The following LMNB1 variants were observed in gnomAD, a reference collection of about 807,000 sequenced individuals.
The protein encoded by LMNB1 is lamin B1, also known as lamin-B1.
In LMNB1, 23 loss-of-function variants were observed where a neutral mutation model predicts 67.1. The ratio of observed to expected loss-of-function variants is 0.34; its 90% confidence interval spans 0.25 to 0.49. The LOEUF is 0.49. Among genes scored for constraint, LMNB1 ranks in the 20% least tolerant of loss-of-function variants. The pLI, the probability that LMNB1 is intolerant of heterozygous loss-of-function variation, is 0.99. For synonymous variants in LMNB1, 281 were observed against 282.9 expected (o/e 0.99, Z 0.07); for missense variants, 634 against 746.5 (o/e 0.85, Z 1.76).
chr5:126,813,180 A>G (rs1751621144), intron 5 of LMNB1, among the ~76,000 whole-genome samples: 2 of 152,268 alleles, frequency 1.3e-5, no homozygotes, highest in Non-Finnish European at 2.9e-5. Flanking sequence ...GATATAAAAT[A>G]ATTTAGTTAA....
chr5:126,826,495 C>G (rs6879607), intron 9 of LMNB1, among the ~76,000 whole-genome samples: 101 of 152,208 alleles, frequency 6.6e-4, no homozygotes, highest in African/African-American at 2.3e-3. Context: ...TGGCATAGTA[C>G]CTTTATCTAG....
At position 126,787,548 on chromosome 5, in the gene LMNB1, T is replaced by TATATA. The variant is rs1348320183; in HGVS notation, c.359+9681_359+9682insATATA. On this transcript the variant is annotated intron_variant, in intron 1 of 10. Transcript: ENST00000261366. Reference sequence around the variant, plus strand: ...GGTATATATATATATATATATATATTTTTTTTTTTTTTTTTTGAGATAGAG... The same window carrying TATATA: ...GGTATATATATATATATATATATATTATATATTTTTTTTTTTTTTTTGAGATAGAG... 7.2e-4 allele frequency among the ~76,000 whole-genome samples: 46 copies of TATATA among 63,526 alleles called. 1 individual carries two copies. The highest frequency in any genetic ancestry group is 2.4e-3 in the African/African-American group (36 of 15,090). The allele number at this position is 63,526 out of a possible 152,430, so 41.7% of individuals were successfully genotyped here. A position where few individuals can be genotyped will look rare whatever the true frequency, so the allele number is the denominator to read the frequency against.
chr5:126,788,338 T>C (rs898124577), intron 1 of LMNB1, among the ~76,000 whole-genome samples: 6 of 151,986 alleles, frequency 3.9e-5, no homozygotes, highest in African/African-American at 2.4e-5. Flanking sequence ...ATGGGGATGA[T>C]AAGTAATAGA....
At chr5:126,789,827 A>G (rs1750905335) in intron 1 of LMNB1, among the ~76,000 whole-genome samples, 1 of 151,848 alleles carries the variant, frequency 6.6e-6, no homozygotes, top group African/African-American at 2.4e-5. Context: ...GCACCTACCA[A>G]CGAGCCCGAC....
intron 5 of LMNB1, among the ~76,000 whole-genome samples, chr5:126,812,651 G>C (rs1052407933): frequency 6.6e-6 from 1 of 150,488 alleles, no homozygotes. Flanking sequence ...AATAACTTCC[G>C]CTTCTATTTT....
At chr5:126,797,370 CAT>C (rs1291708760) in intron 1 of LMNB1, among the ~76,000 whole-genome samples, 2 of 152,162 alleles carry the variant, frequency 1.3e-5, no homozygotes, top group African/African-American at 4.8e-5. Context: ...TTGAATTTAA[CAT>C]AGGAAGATCT....
At chr5:126,831,995 G>C (rs1752146250) in intron 9 of LMNB1, among the ~76,000 whole-genome samples, 1 of 152,192 alleles carries the variant, frequency 6.6e-6, no homozygotes. Flanking sequence ...GCCAAGTGTG[G>C]AGGCTCATGC....
intron 9 of LMNB1, 100 bp downstream of exon 9, chr5:126,826,207 C>A (rs1392191030): frequency 7.5e-7 from 1 of 1,326,298 alleles, no homozygotes; most frequent in Non-Finnish European, 1.0e-6. Context: ...TAACCGATTG[C>A]ATAAACAGAC....
chr5:126,786,157 C>T (rs935551503), intron 1 of LMNB1, among the ~76,000 whole-genome samples: 1 of 141,980 alleles, frequency 7.0e-6, no homozygotes, highest in African/African-American at 2.6e-5. Context: ...CTCTGTCGCC[C>T]AGGCTGGAGT....
At chr5:126,781,096 C>T (rs1445157925) in intron 1 of LMNB1, among the ~76,000 whole-genome samples, 1 of 152,098 alleles carries the variant, frequency 6.6e-6, no homozygotes, top group Non-Finnish European at 1.5e-5. Context: ...CAAGACTAGC[C>T]TGTCCAACAT....
rs73333460 is a variant in LMNB1 at position 126,797,947 on chromosome 5, G to A, written c.360-6829G>A. 7.0e-3 allele frequency among the ~76,000 whole-genome samples: 1,068 copies of A among 152,218 alleles called. 11 individuals carry two copies. Among genetic ancestry groups the A allele is most frequent in the African/African-American group, 0.024 (1,012 of 41,542 alleles). Reference sequence around the variant, plus strand: ...AGCAAAATACAGAAATTAGCCGGGCGTAGTGGCACATGTGTATACTCCCAG... The same window carrying A: ...AGCAAAATACAGAAATTAGCCGGGCATAGTGGCACATGTGTATACTCCCAG... On this transcript the variant is annotated intron_variant, in intron 1 of 10. Coordinates refer to ENST00000261366, the MANE Select transcript of LMNB1 (RefSeq NM_005573.4).
chr5:126,787,221 C>T (rs1358098744), intron 1 of LMNB1, among the ~76,000 whole-genome samples: 1 of 151,868 alleles, frequency 6.6e-6, no homozygotes. Flanking sequence ...TGCCAGTATC[C>T]AGGTGTTGCT....
chr5:126,798,871 C>G (rs1751186603), intron 1 of LMNB1, among the ~76,000 whole-genome samples: 1 of 152,078 alleles, frequency 6.6e-6, no homozygotes, highest in Admixed American at 6.6e-5. Context: ...GGGCCTTGCC[C>G]TCAAAGGGTT....
Position 126,820,965 on chromosome 5 carries a change from A to G in LMNB1, c.1216A>G (p.Ser406Gly), listed in dbSNP as rs1751853558. 1 of 1,614,132 alleles carries G rather than the reference A, an allele frequency of 6.2e-7. No homozygotes were observed. Among genetic ancestry groups the G allele is most frequent in the Middle Eastern group, 1.6e-4 (1 of 6,062 alleles). ...SRVTVSRASS[S>G]RSVRTTRGKR... ...TGTGACAGTATCCCGAGCATCCTCA[A>G]GTCGTAGTGTACGTACAACTAGAGG... Residue 406 changes from serine (S) to glycine (G), a missense_variant, in exon 7 of 11, where the codon AGT becomes GGT. Coordinates refer to ENST00000261366, the MANE Select transcript of LMNB1 (RefSeq NM_005573.4).
chr5:126,817,625 A>G (rs931086574), intron 5 of LMNB1, among the ~76,000 whole-genome samples: 1 of 151,970 alleles, frequency 6.6e-6, no homozygotes, highest in Non-Finnish European at 1.5e-5. Context: ...AGAGTGAGAA[A>G]CCTGGTTTTT....
chr5:126,819,942 C>A (rs1751818593), intron 6 of LMNB1, among the ~76,000 whole-genome samples: 1 of 151,998 alleles, frequency 6.6e-6, no homozygotes, highest in South Asian at 2.1e-4. Context: ...GTCAGGAGTT[C>A]AAGACCAGCC....
At chr5:126,777,898 C>T (rs1034447326) in intron 1 of LMNB1, 31 bp downstream of exon 1, 3 of 1,379,708 alleles carry the variant, frequency 2.2e-6, no homozygotes, top group East Asian at 3.0e-5. Context: ...GCGTTAGCGC[C>T]AAGGAGGGGC....
intron 1 of LMNB1, among the ~76,000 whole-genome samples, chr5:126,800,951 C>CTACATA (rs1210732092): frequency 6.3e-5 from 3 of 47,320 alleles, no homozygotes; most frequent in East Asian, 5.2e-4. Flanking sequence ...TGCAGCCAGA[C>CTACATA]TATATATATA....
chr5:126,813,397 A>G (rs1751626608), intron 5 of LMNB1, among the ~76,000 whole-genome samples: 1 of 152,220 alleles, frequency 6.6e-6, no homozygotes, highest in African/African-American at 2.4e-5. Context: ...AGACTGATAA[A>G]TGGGTTTCTC....
Sources: allele counts gnomAD v4.1 joint callset (sites outside exome capture counted in the v4.1 genomes callset), GRCh38; gene constraint gnomAD v4.1.1; transcripts MANE v1.5; gene names NCBI Gene and HGNC (gene_info 2026-07-23, HGNC 2026-07-21).